Variants in SLC13A3 observed in about 807,000 individuals in gnomAD.
SLC13A3 encodes solute carrier family 13 member 3.
In SLC13A3, 40 loss-of-function variants were observed where a neutral mutation model predicts 59.0. The observed-to-expected ratio is 0.68, with a 90% CI of 0.53 to 0.88. The LOEUF (loss-of-function observed/expected upper bound fraction) is 0.88, where lower values mean the gene tolerates loss of function less well. SLC13A3 is among the 40% of genes least tolerant of loss of function. The pLI is 0.00. For synonymous variants in SLC13A3, 317 were observed against 330.3 expected, an observed-to-expected ratio of 0.96 and a Z score of 0.44; for missense variants, 699 against 783.2, an observed-to-expected ratio of 0.89 and a Z score of 1.28.
chr20:46,632,912 T>TAGCTCTTTATCTACCCACCCAGATCG (rs1555881882), intron 1 of SLC13A3, among the ~76,000 whole-genome samples: 1 of 56,494 alleles, frequency 1.8e-5, no homozygotes, highest in Admixed American at 1.6e-4. Context: ...TAGATAGATA[T>TAGCTCTTTATCTACCCACCCAGATCG]ATCTATCTAT....
chr20:46,622,567 G>A (rs917820555), intron 1 of SLC13A3, among the ~76,000 whole-genome samples: 1 of 151,698 alleles, frequency 6.6e-6, no homozygotes, highest in African/African-American at 2.4e-5. Context: ...GAGCAGTAGG[G>A]GATTCTTGCA....
intron 10 of SLC13A3, among the ~76,000 whole-genome samples, chr20:46,573,148 A>C (rs1046049043): frequency 1.1e-4 from 16 of 152,198 alleles, no homozygotes; most frequent in African/African-American, 3.6e-4. Flanking sequence ...TTTTTTAATT[A>C]ATAAAGTAAA....
chr20:46,654,643 C>T (rs1209061889), upstream of SLC13A3, among the ~76,000 whole-genome samples: 2 of 152,172 alleles, frequency 1.3e-5, no homozygotes, highest in African/African-American at 4.8e-5. Context: ...GATTCTCCTG[C>T]CTCAGCCTCC....
chr20:46,601,883 A>C (rs1355384316), intron 3 of SLC13A3, among the ~76,000 whole-genome samples: 1 of 152,086 alleles, frequency 6.6e-6, no homozygotes, highest in Non-Finnish European at 1.5e-5. Context: ...GCAAGGTAAG[A>C]GAAGTGGCAG....
chr20:46,651,324 G>A lies in SLC13A3; in HGVS notation c.98C>T (p.Ala33Val), dbSNP rs1428501478. 10 of 1,513,152 alleles carry A rather than the reference G, an allele frequency of 6.6e-6. No homozygotes were observed. Among genetic ancestry groups the A allele is most frequent in the South Asian group, 5.0e-5 (4 of 79,752 alleles). The allele number at this position is 1,513,152 out of a possible 1,614,324, so 93.7% of individuals were successfully genotyped here. The change falls in exon 1 of 13, where the codon GCC becomes GTC. Residue 33 changes from alanine to valine, a missense_variant. Transcript: ENST00000279027. ...TPLALLPVVF[A>V]LPPKEGRCLF... ...AGGAGGCGTTACCTTGGGCGGGAGG[G>A]CGAAGACCACCGGCAGCAGCGCGAG...
At chr20:46,659,215 T>G (rs1188546212) in intron 1 of SLC13A3, among the ~76,000 whole-genome samples, 1 of 152,212 alleles carries the variant, frequency 6.6e-6, no homozygotes, top group Non-Finnish European at 1.5e-5. Flanking sequence ...TCTATTTATC[T>G]TATTTGTTCT....
At chr20:46,672,586 C>G (rs951815820), upstream of SLC13A3, among the ~76,000 whole-genome samples, 3 of 152,184 alleles carry the variant, frequency 2.0e-5, no homozygotes, top group South Asian at 2.1e-4. Flanking sequence ...ACCCTTTCCA[C>G]TGGGAGGCAG....
chr20:46,578,088 G>A (rs1215554848), intron 9 of SLC13A3, among the ~76,000 whole-genome samples: 4 of 151,708 alleles, frequency 2.6e-5, no homozygotes, highest in South Asian at 2.1e-4. Flanking sequence ...TGCAAACTCC[G>A]CCTAATTTTG....
At chr20:46,573,905 G>T (rs868647331) in intron 10 of SLC13A3, among the ~76,000 whole-genome samples, 2 of 152,212 alleles carry the variant, frequency 1.3e-5, no homozygotes, top group Non-Finnish European at 2.9e-5. Flanking sequence ...AGCAGTAAAA[G>T]AAGTAATTTC....
chr20:46,602,785 T>G (rs1190502556), intron 3 of SLC13A3, among the ~76,000 whole-genome samples: 1 of 152,208 alleles, frequency 6.6e-6, no homozygotes, highest in Non-Finnish European at 1.5e-5. Flanking sequence ...GTAATGAAGT[T>G]GAGAAACCCT....
At chr20:46,626,436 A>G (rs892296615) in intron 1 of SLC13A3, among the ~76,000 whole-genome samples, 5 of 152,054 alleles carry the variant, frequency 3.3e-5, no homozygotes, top group African/African-American at 9.7e-5. Flanking sequence ...AGCACATGTC[A>G]GCTGGAGAGG....
chr20:46,632,913 ATC>A (rs2062757604), intron 1 of SLC13A3, among the ~76,000 whole-genome samples: 1 of 56,812 alleles, frequency 1.8e-5, no homozygotes, highest in African/African-American at 6.2e-5. Context: ...AGATAGATAT[ATC>A]TATCTATCTA....
chr20:46,608,786 A>G, intron 3 of SLC13A3: 2 of 1,368,102 alleles, frequency 1.5e-6, no homozygotes, highest in Non-Finnish European at 1.9e-6. Context: ...CTATGGTTTC[A>G]TGGATAATGC....
intron 12 of SLC13A3, among the ~76,000 whole-genome samples, chr20:46,562,725 C>T (rs2745728): frequency 0.85 from 128,746 of 151,776 alleles, 54,716 homozygotes; most frequent in East Asian, 0.99. Flanking sequence ...ACGAACAAAT[C>T]AATGAGTCTC....
At position 46,560,144 on chromosome 20, in the gene SLC13A3, T is replaced by C. The variant is rs2061918662; in HGVS notation, c.1687A>G (p.Met563Val). Residue 563 changes from methionine to valine, a missense_variant, in exon 13 of 13, where the codon ATG becomes GTG. Met to Val is a conservative substitution (Grantham distance 21). Coordinates refer to ENST00000279027, the MANE Select transcript of SLC13A3 (RefSeq NM_022829.6). ...LMGVLLLSLAMNTWAQTIFQL... is the reference protein window; with the variant it reads ...LMGVLLLSLAVNTWAQTIFQL... ...AAGATGGTCTGTGCCCAGGTATTCATAGCCAAACTGAGCAGCAGGACACCC... is the reference window on the plus strand; with the variant it reads ...AAGATGGTCTGTGCCCAGGTATTCACAGCCAAACTGAGCAGCAGGACACCC... 6.8e-6 allele frequency: 11 copies of C among 1,613,960 alleles called. No individual in the cohort carries two copies. In the South Asian group the frequency reaches 1.1e-4, roughly 16 times the overall value.
chr20:46,636,457 G>T (rs2062796355), intron 1 of SLC13A3, among the ~76,000 whole-genome samples: 1 of 152,204 alleles, frequency 6.6e-6, no homozygotes, highest in African/African-American at 2.4e-5. Flanking sequence ...GGAACACTGA[G>T]GAAATATCCC....
intron 1 of SLC13A3, among the ~76,000 whole-genome samples, chr20:46,679,885 G>A (rs1379915625): frequency 6.6e-6 from 1 of 150,552 alleles, no homozygotes; most frequent in Non-Finnish European, 1.5e-5. Context: ...TCCAGCCTGA[G>A]TGACAGAGTG....
chr20:46,589,333 T>C, intron 6 of SLC13A3, 78 bp from the exon 7 acceptor site: 2 of 1,170,114 alleles, frequency 1.7e-6, no homozygotes, highest in Non-Finnish European at 2.5e-6. Context: ...CACCACCACC[T>C]GACCAAGCCA....
intron 2 of SLC13A3, among the ~76,000 whole-genome samples, chr20:46,612,871 C>T (rs1372570083): frequency 6.6e-6 from 1 of 152,156 alleles, no homozygotes; most frequent in African/African-American, 2.4e-5. Context: ...CCTTCAAGCC[C>T]ATCTTCCCAC....
Sources: gnomAD v4.1 joint callset for allele counts (sites outside exome capture counted in the v4.1 genomes callset) on GRCh38, gnomAD v4.1.1 for gene constraint, MANE v1.5 for transcripts, NCBI Gene and HGNC (gene_info 2026-07-23, HGNC 2026-07-21) for gene names.